Variants in LIMK1 observed in about 807,000 individuals in gnomAD.
LIMK1 encodes LIM motif-containing protein kinase.
A neutral mutation model predicts 77.6 loss-of-function variants in LIMK1; 21 were observed. The ratio of observed to expected loss-of-function variants is 0.27; its 90% CI spans 0.19 to 0.39. The LOEUF is 0.39. Ranked by LOEUF, LIMK1 falls within the 10% of genes least tolerant of loss-of-function variation. The probability of loss-of-function intolerance (pLI) is 1.00; values close to 1 mark genes in which losing one functional copy is unlikely to be tolerated. For missense variants in LIMK1, 696 were observed against 901.6 expected (o/e 0.77, Z 2.92); for synonymous variants, 358 against 370.0 (o/e 0.97, Z 0.37).
rs1554696094 is a variant in LIMK1 at position 74,099,071 on chromosome 7, C to T, written c.441C>T (p.Ile147=). 3.7e-6 allele frequency: 6 copies of T among 1,613,196 alleles called. No homozygotes were observed. The highest frequency in any genetic ancestry group is 1.3e-5 in the African/African-American group (1 of 75,056). The part of the protein sequence containing the change: ...CYYQTVVTPV[I]EQILPDSPGS... ...ACCAGACTGTGGTGACCCCCGTCAT[C>T]GAGCAGATCCTGCCTGACTCCCCTG... The change falls in exon 5 of 16, where the codon ATC becomes ATT. Residue 147 remains isoleucine, a synonymous_variant. Coordinates refer to ENST00000336180, the MANE Select transcript of LIMK1 (RefSeq NM_002314.4).
At chr7:74,103,747 G>C (rs1196573254) in intron 5 of LIMK1, among the ~76,000 whole-genome samples, 2 of 152,074 alleles carry the variant, frequency 1.3e-5, no homozygotes, top group Non-Finnish European at 2.9e-5. Flanking sequence ...TTCTGCATTT[G>C]TTACTGTAAG....
intron 4 of LIMK1, among the ~76,000 whole-genome samples, chr7:74,098,113 A>G (rs1799372084): frequency 6.6e-6 from 1 of 152,102 alleles, no homozygotes; most frequent in South Asian, 2.1e-4. Context: ...TGATTGAGTC[A>G]TTGGCCGTAT....
At chr7:74,115,529 A>T in intron 12 of LIMK1, 1 of 402,684 alleles carries the variant, frequency 2.5e-6, no homozygotes, top group Non-Finnish European at 4.5e-6. Flanking sequence ...GTCCGCCACG[A>T]CGGTCTGGGG....
chr7:74,101,338 A>T (rs2115682323), intron 5 of LIMK1, among the ~76,000 whole-genome samples: 1 of 152,276 alleles, frequency 6.6e-6, no homozygotes, highest in East Asian at 1.9e-4. Flanking sequence ...ATCCAGGCAG[A>T]ATTTTAGAAA....
At chr7:74,112,399 G>T (rs1554698778) in intron 12 of LIMK1, among the ~76,000 whole-genome samples, 1 of 152,186 alleles carries the variant, frequency 6.6e-6, no homozygotes, top group African/African-American at 2.4e-5. Context: ...AGGCGTATGG[G>T]CTGGAGTGGT....
intron 2 of LIMK1, chr7:74,093,111 C>G (rs1799269281): frequency 2.1e-6 from 3 of 1,421,168 alleles, no homozygotes; most frequent in African/African-American, 2.9e-5. Context: ...CTGCAGCCTC[C>G]TCCTGTGCGC....
At chr7:74,107,229 G>C (rs782453083) in intron 8 of LIMK1, 36 bp downstream of exon 8, 1 of 1,557,206 alleles carries the variant, frequency 6.4e-7, no homozygotes, top group South Asian at 1.2e-5. Context: ...GGACAGTCTG[G>C]GTGGGACCCC....
intron 12 of LIMK1, among the ~76,000 whole-genome samples, chr7:74,115,041 T>C (rs1291402379): frequency 6.6e-6 from 1 of 151,382 alleles, no homozygotes; most frequent in Admixed American, 6.6e-5. Flanking sequence ...CTGGGCAACA[T>C]AGCAAGACCC....
intron 5 of LIMK1, among the ~76,000 whole-genome samples, chr7:74,099,787 A>C (rs782138134): frequency 5.3e-5 from 8 of 152,042 alleles, no homozygotes; most frequent in Admixed American, 1.3e-4. Context: ...TCTTTAGTCC[A>C]TGTCTGATCC....
intron 5 of LIMK1, among the ~76,000 whole-genome samples, chr7:74,102,857 T>C (rs1799493993): frequency 6.6e-6 from 1 of 151,394 alleles, no homozygotes; most frequent in Non-Finnish European, 1.5e-5. Context: ...TCGTCATGTG[T>C]CATCAGTATC....
intron 2 of LIMK1, among the ~76,000 whole-genome samples, chr7:74,089,241 G>A (rs996483938): frequency 6.6e-6 from 1 of 152,158 alleles, no homozygotes; most frequent in East Asian, 1.9e-4. Flanking sequence ...GCTGGCGGTG[G>A]CACATGCCTA....
At position 74,096,722 on chromosome 7, in the gene LIMK1, C is replaced by T; in HGVS notation, c.253C>T (p.His85Tyr). 6.2e-7 allele frequency: 1 copy of T among 1,612,932 alleles called. No homozygotes were observed. Among genetic ancestry groups the T allele is most frequent in the Non-Finnish European group, 8.5e-7 (1 of 1,179,286 alleles). Residue 85 changes from histidine (H) to tyrosine (Y), a missense_variant, in exon 3 of 16, where the codon CAT becomes TAT. His to Tyr is a moderately conservative substitution (Grantham distance 83). Around this residue, in one of 3 missense-constraint regions of LIMK1, gnomAD observed 252 missense variants for 279.4 expected, o/e 0.90. Transcript: ENST00000336180. ...CTGGGCCCGCTATGGCGAGTCCTGC[C>T]ATGGGTGCTCTGAGCAAATCACCAA... Reference protein sequence around the residue: ...DYWARYGESCHGCSEQITKGL... With the variant: ...DYWARYGESCYGCSEQITKGL...
intron 10 of LIMK1, chr7:74,111,430 T>G (rs1345900344): frequency 1.3e-5 from 7 of 550,644 alleles, no homozygotes; most frequent in Non-Finnish European, 2.3e-5. Context: ...AGAGTGAGAC[T>G]CCATCTAAAG....
At chr7:74,107,833 A>C in intron 8 of LIMK1, 38 bp from the exon 9 acceptor site, 4 of 1,523,108 alleles carry the variant, frequency 2.6e-6, no homozygotes, top group Non-Finnish European at 3.6e-6. Flanking sequence ...GGCTTACAGC[A>C]GAGCTTCTGT....
At position 74,096,553 on chromosome 7, in the gene LIMK1, C is replaced by T. The variant is rs188425991; in HGVS notation, c.153-69C>T. The T allele has an allele frequency of 2.9e-3, 4,650 of 1,589,776 alleles. 8 individuals are homozygous for T. Among genetic ancestry groups the T allele is most frequent in the Admixed American group, 4.1e-3 (230 of 56,326 alleles). Reference sequence around the variant, plus strand: ...TAATTCTTACAAAGGTGCCTGTAGCCGAGGCAGGGGCCCAGGTGAGGTGGA... The same window carrying T: ...TAATTCTTACAAAGGTGCCTGTAGCTGAGGCAGGGGCCCAGGTGAGGTGGA... On this transcript the variant is annotated intron_variant, in intron 2 of 15. Coordinates refer to ENST00000336180, the MANE Select transcript of LIMK1 (RefSeq NM_002314.4).
intron 2 of LIMK1, among the ~76,000 whole-genome samples, chr7:74,095,211 C>T (rs1584110712): frequency 2.0e-5 from 3 of 152,158 alleles, no homozygotes; most frequent in African/African-American, 7.2e-5. Flanking sequence ...CTGCCTCTCT[C>T]CTAGATTGTG....
rs1159910146 is a variant in LIMK1, at chr7:74,099,110, C to G, written c.480C>G (p.Pro160=). The change falls in exon 5 of 16, where the codon CCC becomes CCG. Residue 160 remains proline (P), a synonymous_variant. Coordinates refer to ENST00000336180, the MANE Select transcript of LIMK1 (RefSeq NM_002314.4). ...ILPDSPGSHL[P]HTVTLVSIPA... ...CTGACTCCCCTGGCTCCCACCTGCC[C>G]CACACCGTCACCCTGGTGTCCATCC... 1.2e-6 allele frequency: 2 copies of G among 1,613,642 alleles called. No individual in the cohort carries two copies. Among genetic ancestry groups the G allele is most frequent in the Non-Finnish European group, 1.7e-6 (2 of 1,180,020 alleles).
rs1197376901 is a variant in LIMK1 at position 74,096,859 on chromosome 7, T to G, written c.291+99T>G. ...CCCATCATTGTCTCTCCTGGTCTCC[T>G]TTTTGCTGGTCTTTGGAGCTGCTTT... On this transcript the variant is annotated intron_variant, in intron 3 of 15. Coordinates refer to ENST00000336180, the MANE Select transcript of LIMK1 (RefSeq NM_002314.4). The G allele has an allele frequency of 7.7e-6, 11 of 1,429,028 alleles. No homozygotes were observed. In the Admixed American group the frequency reaches 1.4e-4, roughly 19 times the overall value. 88.5% of individuals were successfully genotyped at this position (1,429,028 alleles called of 1,614,324 possible).
chr7:74,085,167 C>T (rs1222099221), intron 1 of LIMK1, among the ~76,000 whole-genome samples: 1 of 152,194 alleles, frequency 6.6e-6, no homozygotes, highest in Non-Finnish European at 1.5e-5. Context: ...TGCCAGGCCT[C>T]CCTGGGACAG....
Sources: allele counts gnomAD v4.1 joint callset (sites outside exome capture counted in the v4.1 genomes callset), GRCh38; gene constraint gnomAD v4.1.1; regional missense constraint gnomAD v4.1.1; transcripts MANE v1.5; gene names NCBI Gene and HGNC (gene_info 2026-07-23, HGNC 2026-07-21).